Variants in XRCC4 observed in about 807,000 individuals in gnomAD.
The protein encoded by XRCC4 is DNA repair protein XRCC4.
Under a neutral mutation model 39.1 loss-of-function variants are expected in XRCC4, and 28 were observed. That is an observed-to-expected ratio of 0.72 (90% CI 0.53 to 0.98). The LOEUF (loss-of-function observed/expected upper bound fraction) is 0.98, where lower values mean the gene tolerates loss of function less well. XRCC4 is among the 50% of genes least tolerant of loss of function. The probability of loss-of-function intolerance (pLI) is 0.00; values close to 1 mark genes in which losing one functional copy is unlikely to be tolerated. For synonymous variants in XRCC4, 123 were observed against 126.4 expected (o/e 0.97, Z 0.18); for missense variants, 350 against 376.4 (o/e 0.93, Z 0.58).
chr5:83,177,348 C>T (rs190492427), intron 3 of XRCC4, among the ~76,000 whole-genome samples: 76 of 151,760 alleles, frequency 5.0e-4, no homozygotes, highest in African/African-American at 1.3e-3. Context: ...TAGTACTTAA[C>T]GGAAGGAGAA....
At chr5:83,264,708 AC>A (rs1394657874) in intron 7 of XRCC4, among the ~76,000 whole-genome samples, 2 of 151,792 alleles carry the variant, frequency 1.3e-5, no homozygotes, top group African/African-American at 2.4e-5. Flanking sequence ...CTAGGCTCAC[AC>A]CAGTTATGCT....
intron 2 of XRCC4, 70 bp from the exon 3 acceptor site, chr5:83,110,958 A>T: frequency 7.1e-7 from 1 of 1,413,364 alleles, no homozygotes; most frequent in South Asian, 1.3e-5. Context: ...GTACTAACAG[A>T]TAAACTAATA....
At chr5:83,299,389 A>G (rs1755200171) in intron 7 of XRCC4, among the ~76,000 whole-genome samples, 1 of 151,990 alleles carries the variant, frequency 6.6e-6, no homozygotes, top group Non-Finnish European at 1.5e-5. Flanking sequence ...GTTTCTTTTT[A>G]GTTATTTTGC....
At chr5:83,115,209 C>T (rs1252321905) in intron 3 of XRCC4, among the ~76,000 whole-genome samples, 3 of 152,128 alleles carry the variant, frequency 2.0e-5, no homozygotes, top group Non-Finnish European at 4.4e-5. Flanking sequence ...GGGCGGATCA[C>T]CTGAGGTTGG....
At chr5:83,143,440 A>G (rs1437757149) in intron 3 of XRCC4, among the ~76,000 whole-genome samples, 2 of 152,168 alleles carry the variant, frequency 1.3e-5, no homozygotes, top group Admixed American at 1.3e-4. Context: ...TTATGTAACA[A>G]TCTAAACTAA....
rs13358556 is a variant in XRCC4 at position 83,153,977 on chromosome 5, A to T, written c.316-41793A>T. 4.1e-3 allele frequency among the ~76,000 whole-genome samples: 625 copies of T among 152,288 alleles called. 2 individuals are homozygous for T. The highest frequency in any genetic ancestry group is 0.011 in the African/African-American group (477 of 41,558). ...AAGAAATATATGGTACTTCAGCCTC[A>T]TTTACCTCTCATAATGTGCTGTGCA... On this transcript the variant is annotated intron_variant, in intron 3 of 7. Coordinates refer to ENST00000396027, the MANE Select transcript of XRCC4 (RefSeq NM_003401.5).
chr5:83,251,194 G>A (rs1053219571), intron 6 of XRCC4, among the ~76,000 whole-genome samples: 1 of 152,116 alleles, frequency 6.6e-6, no homozygotes, highest in Non-Finnish European at 1.5e-5. Flanking sequence ...AAGGTCTGAA[G>A]AACTGAATTC....
At chr5:83,254,092 T>C (rs1370207945) in intron 6 of XRCC4, among the ~76,000 whole-genome samples, 2 of 150,404 alleles carry the variant, frequency 1.3e-5, no homozygotes, top group Non-Finnish European at 3.0e-5. Context: ...TTTTTTTTTT[T>C]TTCTTTTGTC....
the XRCC4 span, among the ~76,000 whole-genome samples, chr5:83,368,607 G>T: frequency 2.0e-5 from 3 of 152,196 alleles, no homozygotes; most frequent in African/African-American, 7.2e-5. Flanking sequence ...CTCCCCTGGT[G>T]CAAGGCACTA....
intron 7 of XRCC4, among the ~76,000 whole-genome samples, chr5:83,267,605 A>G (rs956235788): frequency 2.3e-4 from 35 of 152,166 alleles, no homozygotes; most frequent in Non-Finnish European, 4.4e-5. Flanking sequence ...AGGAGATGGG[A>G]AAGCAAGATA....
chr5:83,077,559 AC>A lies in XRCC4; in HGVS notation c.-65del. On this transcript the variant is annotated 5_prime_UTR_variant, in exon 1 of 8. Transcript: ENST00000396027. ...AGCTGATACTCTCATTGGTTGCAAA[AC>A]CTTGATCTGTGAAAGCGGGCGTTTT... 1.8e-6 allele frequency: 1 copy of A among 552,122 alleles called. No individual in the cohort carries two copies. 34.2% of individuals were successfully genotyped at this position (552,122 alleles called of 1,614,324 possible).
chr5:83,260,827 A>G (rs1753722381), intron 7 of XRCC4, among the ~76,000 whole-genome samples: 1 of 152,208 alleles, frequency 6.6e-6, no homozygotes, highest in Non-Finnish European at 1.5e-5. Flanking sequence ...GATGTAAACC[A>G]TATCAGCTTT....
intron 3 of XRCC4, among the ~76,000 whole-genome samples, chr5:83,131,241 AG>A (rs1353131960): frequency 2.6e-5 from 4 of 152,182 alleles, no homozygotes; most frequent in African/African-American, 9.6e-5. Context: ...GTAGTCATTC[AG>A]GGGCAGGTTG....
intron 6 of XRCC4, among the ~76,000 whole-genome samples, chr5:83,255,258 C>A (rs969643098): frequency 1.3e-5 from 2 of 151,992 alleles, no homozygotes; most frequent in Admixed American, 1.3e-4. Flanking sequence ...GATAATGAAA[C>A]TTCATTTTAA....
intron 3 of XRCC4, among the ~76,000 whole-genome samples, chr5:83,138,630 C>G (rs1423510745): frequency 1.3e-5 from 2 of 151,962 alleles, no homozygotes; most frequent in Non-Finnish European, 2.9e-5. Flanking sequence ...TTAATTAATG[C>G]ATATTATGTT....
At chr5:83,237,117 T>C (rs1176131182) in intron 6 of XRCC4, among the ~76,000 whole-genome samples, 1 of 151,958 alleles carries the variant, frequency 6.6e-6, no homozygotes, top group South Asian at 2.1e-4. Context: ...GGTGGGAATG[T>C]AAATTAGTAC....
At chr5:83,240,747 A>G (rs1752876323) in intron 6 of XRCC4, among the ~76,000 whole-genome samples, 1 of 152,154 alleles carries the variant, frequency 6.6e-6, no homozygotes, top group Non-Finnish European at 1.5e-5. Context: ...TCACCAGGAA[A>G]AACCAGTACC....
chr5:83,295,501 T>A (rs529392704), intron 7 of XRCC4, among the ~76,000 whole-genome samples: 13 of 152,068 alleles, frequency 8.5e-5, no homozygotes, highest in African/African-American at 3.1e-4. Flanking sequence ...AACAGGGAGT[T>A]GAGATGGAGA....
chr5:83,196,436 T>C (rs1580356885), intron 4 of XRCC4, among the ~76,000 whole-genome samples: 1 of 152,232 alleles, frequency 6.6e-6, no homozygotes, highest in South Asian at 2.1e-4. Context: ...TAATTGTGGC[T>C]ACTGGATAAG....
Sources: gnomAD v4.1 joint callset for allele counts (sites outside exome capture counted in the v4.1 genomes callset) on GRCh38, gnomAD v4.1.1 for gene constraint, MANE v1.5 for transcripts, NCBI Gene and HGNC (gene_info 2026-07-23, HGNC 2026-07-21) for gene names.